EYS: variants seen among roughly 807,000 people sequenced by gnomAD.
EYS encodes protein eyes shut homolog.
A neutral mutation model predicts 282.1 loss-of-function variants in EYS; 250 were observed. The observed-to-expected ratio is 0.89, with a 90% CI of 0.80 to 0.98. The LOEUF is 0.98. EYS is among the 50% of genes least tolerant of loss of function. The probability of loss-of-function intolerance (pLI) is 0.00; values close to 1 mark genes in which losing one functional copy is unlikely to be tolerated. For synonymous variants in EYS, 1,355 were observed against 1,282.9 expected, an observed-to-expected ratio of 1.06 and a Z score of -1.20; for missense variants, 4,016 against 3,709.0, an observed-to-expected ratio of 1.08 and a Z score of -2.15.
chr6:64,004,988 G>A (rs941389404), intron 33 of EYS, among the ~76,000 whole-genome samples: 3 of 152,126 alleles, frequency 2.0e-5, no homozygotes, highest in East Asian at 3.9e-4. Context: ...CCAATAATGC[G>A]ATTACTGGGT....
rs12198501 is a variant in EYS, at chr6:64,770,090, C to T, written c.3443+43288G>A. Among the ~76,000 whole-genome samples the T allele has an allele frequency of 6.0e-3, 915 of 151,922 alleles. 5 individuals carry two copies. The highest frequency in any genetic ancestry group is 0.011 in the Non-Finnish European group (728 of 67,878). Reference sequence around the variant, plus strand: ...CAACAGAAATTGCTTGTCTCTCAATCTTTGTTTTACTGCTTAGTAGATTCT... The same window carrying T: ...CAACAGAAATTGCTTGTCTCTCAATTTTTGTTTTACTGCTTAGTAGATTCT... On this transcript the variant is annotated intron_variant, in intron 22 of 42. Coordinates refer to ENST00000503581, the MANE Select transcript of EYS (RefSeq NM_001142800.2).
At chr6:65,668,119 C>A (rs1257631299) in intron 1 of EYS, among the ~76,000 whole-genome samples, 1 of 151,792 alleles carries the variant, frequency 6.6e-6, no homozygotes, top group Non-Finnish European at 1.5e-5. Flanking sequence ...ATCCCCTTTG[C>A]CCACTTTATT....
At chr6:64,792,590 A>C (rs1774224873) in intron 22 of EYS, among the ~76,000 whole-genome samples, 1 of 152,016 alleles carries the variant, frequency 6.6e-6, no homozygotes, top group South Asian at 2.1e-4. Flanking sequence ...AAAAATTGAG[A>C]AAATATAACA....
chr6:64,336,720 T>C (rs1037791722), intron 29 of EYS, among the ~76,000 whole-genome samples: 3 of 152,064 alleles, frequency 2.0e-5, no homozygotes, highest in South Asian at 2.1e-4. Flanking sequence ...GACCATATGA[T>C]AGGTCATAAA....
intron 33 of EYS, among the ~76,000 whole-genome samples, chr6:64,046,052 ATATG>A (rs1393377741): frequency 1.4e-5 from 2 of 147,878 alleles, no homozygotes; most frequent in Non-Finnish European, 3.0e-5. Context: ...GTAACATAAT[ATATG>A]TATTATATTT....
chr6:64,142,269 T>C (rs1365243100), intron 31 of EYS, among the ~76,000 whole-genome samples: 1 of 152,040 alleles, frequency 6.6e-6, no homozygotes, highest in East Asian at 1.9e-4. Context: ...AATAGTCTGG[T>C]ATATATGGAA....
At chr6:65,372,962 C>T (rs1765219229) in intron 8 of EYS, among the ~76,000 whole-genome samples, 1 of 151,962 alleles carries the variant, frequency 6.6e-6, no homozygotes, top group Non-Finnish European at 1.5e-5. Context: ...TCATTAAATG[C>T]ATATTAAAAA....
intron 26 of EYS, among the ~76,000 whole-genome samples, chr6:64,487,099 A>G (rs138542132): frequency 0.016 from 2,467 of 151,312 alleles, 23 homozygotes; most frequent in South Asian, 0.035. Context: ...CTCATTAAAA[A>G]AATCATTTAG....
chr6:64,769,298 G>A (rs978729202), intron 22 of EYS, among the ~76,000 whole-genome samples: 1 of 151,964 alleles, frequency 6.6e-6, no homozygotes, highest in South Asian at 2.1e-4. Flanking sequence ...GCCTAACTCT[G>A]TTTGCCTAGC....
chr6:65,426,145 T>C (rs550807077), intron 5 of EYS, among the ~76,000 whole-genome samples: 2 of 152,196 alleles, frequency 1.3e-5, no homozygotes, highest in South Asian at 4.1e-4. Context: ...CAGCTGATTT[T>C]TATTTTTGTA....
chr6:64,607,114 A>T (rs996203316), intron 24 of EYS, among the ~76,000 whole-genome samples: 4 of 152,132 alleles, frequency 2.6e-5, no homozygotes, highest in African/African-American at 9.6e-5. Flanking sequence ...GCAATGCCAG[A>T]AAAAGCAGAG....
At chr6:63,953,434 C>T (rs957246589) in intron 35 of EYS, among the ~76,000 whole-genome samples, 3 of 152,144 alleles carry the variant, frequency 2.0e-5, no homozygotes, top group Non-Finnish European at 2.9e-5. Context: ...CGTGTATCCC[C>T]CTCCAAAGCC....
intron 32 of EYS, among the ~76,000 whole-genome samples, chr6:64,076,222 A>G (rs1421636040): frequency 1.3e-5 from 2 of 152,008 alleles, no homozygotes; most frequent in African/African-American, 4.8e-5. Flanking sequence ...GGAATAAATT[A>G]TAACAATGTT....
At chr6:65,431,579 C>T (rs1309564752) in intron 5 of EYS, among the ~76,000 whole-genome samples, 1 of 151,918 alleles carries the variant, frequency 6.6e-6, no homozygotes, top group Admixed American at 6.6e-5. Context: ...CATTATTTAT[C>T]ATAAATATTT....
intron 12 of EYS, among the ~76,000 whole-genome samples, chr6:65,066,407 T>A: frequency 6.6e-6 from 1 of 152,194 alleles, no homozygotes; most frequent in East Asian, 1.9e-4. Context: ...TTTCCTAATA[T>A]TCTCAGGTGA....
intron 30 of EYS, among the ~76,000 whole-genome samples, chr6:64,302,811 C>A (rs1282700345): frequency 6.6e-6 from 1 of 152,144 alleles, no homozygotes; most frequent in African/African-American, 2.4e-5. Context: ...CCTCTCAAGA[C>A]ATAAAACCTG....
chr6:65,155,748 G>A (rs1331843389), intron 12 of EYS, among the ~76,000 whole-genome samples: 1 of 151,458 alleles, frequency 6.6e-6, no homozygotes, highest in Non-Finnish European at 1.5e-5. Flanking sequence ...GCATTGCAGT[G>A]TAGATAAAAA....
intron 2 of EYS, among the ~76,000 whole-genome samples, chr6:65,545,562 A>G (rs1474304805): frequency 1.3e-5 from 2 of 152,178 alleles, no homozygotes; most frequent in African/African-American, 4.8e-5. Context: ...GGGTTATGTT[A>G]TAATTACAAG....
Position 64,525,786 on chromosome 6 carries a change from A to G in EYS, c.5644+64437T>C, listed in dbSNP as rs562985897. Reference sequence around the variant, plus strand: ...TTCTGGTAGGCATGTAAACAGGTACAGTCACTCTGTAAAACAGTTTGCCAA... The same window carrying G: ...TTCTGGTAGGCATGTAAACAGGTACGGTCACTCTGTAAAACAGTTTGCCAA... On this transcript the variant is annotated intron_variant, in intron 26 of 42. Transcript: ENST00000503581. Among the ~76,000 whole-genome samples, 9 of 151,974 alleles carry G rather than the reference A, an allele frequency of 5.9e-5. No homozygotes were observed. In the South Asian group the frequency reaches 1.7e-3, roughly 28 times the overall value.
Sources: allele counts gnomAD v4.1 joint callset (sites outside exome capture counted in the v4.1 genomes callset), GRCh38; gene constraint gnomAD v4.1.1; transcripts MANE v1.5; gene names NCBI Gene and HGNC (gene_info 2026-07-23, HGNC 2026-07-21).